Variants in AOX1 observed in about 807,000 individuals in gnomAD.
AOX1 encodes the protein aldehyde oxidase 1.
In AOX1, 153 loss-of-function variants were observed where a neutral mutation model predicts 169.5. The ratio of observed to expected loss-of-function variants is 0.90; its 90% CI spans 0.79 to 1.03. AOX1 has a LOEUF of 1.03. Ranked by LOEUF, AOX1 falls within the 50% of genes least tolerant of loss-of-function variation. The probability of loss-of-function intolerance (pLI) is 0.00; values close to 1 mark genes in which losing one functional copy is unlikely to be tolerated. For synonymous variants in AOX1, 562 were observed against 581.9 expected (o/e 0.97, Z 0.49); for missense variants, 1,656 against 1,663.9 (o/e 1.00, Z 0.08).
downstream of AOX1, among the ~76,000 whole-genome samples, chr2:200,673,056 G>T (rs564131687): frequency 1.2e-4 from 18 of 152,330 alleles, no homozygotes; most frequent in African/African-American, 4.1e-4. Flanking sequence ...TGTTGCAAAG[G>T]ATTATCCTGG....
chr2:200,638,095 A>G (rs1386650017), intron 22 of AOX1, 120 bp from the exon 23 acceptor site: 1 of 790,032 alleles, frequency 1.3e-6, no homozygotes, highest in Non-Finnish European at 2.1e-6. Flanking sequence ...CATGCGAAAT[A>G]GTTGTGTTGT....
intron 15 of AOX1, among the ~76,000 whole-genome samples, chr2:200,614,308 C>T (rs929999068): frequency 9.2e-5 from 14 of 152,180 alleles, no homozygotes; most frequent in African/African-American, 1.4e-4. Context: ...ATTACCTTCA[C>T]GTTGAGGTTG....
At position 200,626,004 on chromosome 2, in the gene AOX1, G is replaced by A. The variant is rs577079889; in HGVS notation, c.2125-1349G>A. On this transcript the variant is annotated intron_variant, in intron 19 of 34. Transcript: ENST00000374700. The stretch of plus-strand genomic sequence containing the variant: ...AATGGAAAAAAATGTGTTCCCTACC[G>A]GAATCTGTCCTGAATAATAATCATC... 3.8e-4 allele frequency among the ~76,000 whole-genome samples: 58 copies of A among 152,192 alleles called. 1 individual carries two copies. In the South Asian group the frequency reaches 9.3e-3, roughly 25 times the overall value.
intron 19 of AOX1, among the ~76,000 whole-genome samples, chr2:200,624,580 G>A (rs538589068): frequency 6.6e-6 from 1 of 152,194 alleles, no homozygotes; most frequent in Non-Finnish European, 1.5e-5. Flanking sequence ...ACATGGTGAG[G>A]ACCAACAGGA....
At position 200,648,329 on chromosome 2, in the gene AOX1, G is replaced by A. The variant is rs1055912672; in HGVS notation, c.2848-2645G>A. Among the ~76,000 whole-genome samples the A allele has an allele frequency of 2.0e-5, 3 of 152,208 alleles. No individual in the cohort carries two copies. In the South Asian group the frequency reaches 6.2e-4, roughly 31 times the overall value. ...CCTTTCCCTATGGATGTGGCTTCCT[G>A]TGAGCTGAACTGCAGTGATTGTTGT... On this transcript the variant is annotated intron_variant, in intron 25 of 34. Transcript: ENST00000374700.
intron 25 of AOX1, among the ~76,000 whole-genome samples, chr2:200,646,932 CTT>C (rs2035465371): frequency 6.6e-6 from 1 of 151,972 alleles, no homozygotes; most frequent in Admixed American, 6.5e-5. Flanking sequence ...TTTTCCACTT[CTT>C]TACTTTAAGT....
At chr2:200,590,824 G>T (rs934633327) in intron 1 of AOX1, among the ~76,000 whole-genome samples, 1 of 152,148 alleles carries the variant, frequency 6.6e-6, no homozygotes, top group African/African-American at 2.4e-5. Context: ...GACATTGTGA[G>T]GTTGGGGCAG....
Position 200,611,435 on chromosome 2 carries a change from A to G in AOX1, c.1205A>G (p.Asn402Ser). 6.2e-7 allele frequency: 1 copy of G among 1,614,104 alleles called. No homozygotes were observed. The highest frequency in any genetic ancestry group is 8.5e-7 in the Non-Finnish European group (1 of 1,179,952). Residue 402 changes from asparagine to serine, a missense_variant, in exon 13 of 35, where the codon AAT (asparagine) becomes AGT (serine). Physicochemically the swap from Asn to Ser is conservative, Grantham distance 46. Coordinates refer to ENST00000374700, the MANE Select transcript of AOX1 (RefSeq NM_001159.4). The stretch of plus-strand genomic sequence containing the variant: ...GAGCAATTCCTCAGCAAGTGCCCTA[A>G]TGCAGATCTTAAGCCTCAAGAAATC... ...LNEQFLSKCP[N>S]ADLKPQEILV... is the part of the protein sequence containing the mutation.
At chr2:200,615,648 T>C (rs2105715101) in intron 15 of AOX1, among the ~76,000 whole-genome samples, 1 of 152,356 alleles carries the variant, frequency 6.6e-6, no homozygotes, top group South Asian at 2.1e-4. Context: ...TTCTATCTTC[T>C]TGTTGGATCA....
chr2:200,628,243 T>C (rs922818089), intron 20 of AOX1, among the ~76,000 whole-genome samples: 3 of 152,158 alleles, frequency 2.0e-5, no homozygotes, highest in Non-Finnish European at 4.4e-5. Flanking sequence ...ACATGATGTA[T>C]GTCTCTTTAC....
At chr2:200,663,406 C>A (rs2035864908) in intron 31 of AOX1, among the ~76,000 whole-genome samples, 1 of 152,150 alleles carries the variant, frequency 6.6e-6, no homozygotes, top group East Asian at 1.9e-4. Flanking sequence ...ATCTTTTACT[C>A]AGCTAGGTCT....
At chr2:200,607,520 G>A (rs183717547) in intron 10 of AOX1, among the ~76,000 whole-genome samples, 2 of 152,228 alleles carry the variant, frequency 1.3e-5, no homozygotes, top group African/African-American at 2.4e-5. Flanking sequence ...CTGTTGGTAG[G>A]GGTGTAAATT....
intron 18 of AOX1, among the ~76,000 whole-genome samples, chr2:200,621,555 C>T (rs2034886482): frequency 6.6e-6 from 1 of 151,994 alleles, no homozygotes; most frequent in South Asian, 2.1e-4. Flanking sequence ...ATGGAAATCC[C>T]TTCCCTGAGA....
intron 20 of AOX1, among the ~76,000 whole-genome samples, chr2:200,630,984 C>T (rs2035114290): frequency 6.6e-6 from 1 of 151,658 alleles, no homozygotes; most frequent in Admixed American, 6.6e-5. Flanking sequence ...ACATCCTGCA[C>T]ATGTACCCCA....
At chr2:200,613,027 T>TGTGTGTGTGAGAGA (rs112472592) in intron 14 of AOX1, among the ~76,000 whole-genome samples, 174 of 146,206 alleles carry the variant, frequency 1.2e-3, no homozygotes, top group African/African-American at 3.7e-3. Flanking sequence ...TGTGTGTGTG[T>TGTGTGTGTGAGAGA]GAGAGAGAGA....
intron 21 of AOX1, among the ~76,000 whole-genome samples, chr2:200,636,527 C>T (rs562406261): frequency 1.3e-5 from 2 of 152,174 alleles, no homozygotes; most frequent in East Asian, 3.9e-4. Flanking sequence ...CTTTGGGAAA[C>T]GTATGCCTAG....
chr2:200,605,971 A>G (rs903854176), intron 10 of AOX1, among the ~76,000 whole-genome samples: 8 of 152,236 alleles, frequency 5.3e-5, no homozygotes, highest in African/African-American at 1.7e-4. Flanking sequence ...TTTGCTAGGC[A>G]TAAACTCTTT....
intron 10 of AOX1, among the ~76,000 whole-genome samples, chr2:200,608,256 T>C (rs2105704501): frequency 6.6e-6 from 1 of 152,332 alleles, no homozygotes; most frequent in South Asian, 2.1e-4. Flanking sequence ...TAGTTCAGTT[T>C]TTACTGAAGA....
chr2:200,671,307 A>G lies in AOX1; in HGVS notation c.*628A>G, dbSNP rs2036025838. 6.6e-6 allele frequency: 1 copy of G among 152,248 alleles called. No individual in the cohort carries two copies. Among genetic ancestry groups the G allele is most frequent in the Non-Finnish European group, 1.5e-5 (1 of 68,044 alleles). 9.4% of individuals were successfully genotyped at this position (152,248 alleles called of 1,614,324 possible). On this transcript the variant is annotated 3_prime_UTR_variant, in exon 35 of 35. Transcript: ENST00000374700. ...ATAAAAGTCTTGTAACCAGATACAT[A>G]AAGAGCTCTTACAACTCAATAAAAG...
Sources: gnomAD v4.1 joint callset for allele counts (sites outside exome capture counted in the v4.1 genomes callset) on GRCh38, gnomAD v4.1.1 for gene constraint, MANE v1.5 for transcripts, NCBI Gene and HGNC (gene_info 2026-07-23, HGNC 2026-07-21) for gene names.